The following SP140 variants were observed in gnomAD, a reference collection of about 807,000 sequenced individuals.
SP140 encodes nuclear body protein SP140.
Under a neutral mutation model 125.0 loss-of-function variants are expected in SP140, and 81 were observed. The observed-to-expected ratio is 0.65, with a 90% CI of 0.54 to 0.78. The LOEUF is 0.78. Ranked by LOEUF, SP140 falls within the 30% of genes least tolerant of loss-of-function variation. The pLI is 0.00. For synonymous variants in SP140, 312 were observed against 354.0 expected, an observed-to-expected ratio of 0.88 and a Z score of 1.33; for missense variants, 858 against 1,037.0, an observed-to-expected ratio of 0.83 and a Z score of 2.37.
At chr2:230,205,950 A>C (rs1249741886) in intron 1 of SP140, among the ~76,000 whole-genome samples, 1 of 152,128 alleles carries the variant, frequency 6.6e-6, no homozygotes, top group South Asian at 2.1e-4. Flanking sequence ...GCCCATAGAG[A>C]ATACACATAA....
chr2:230,230,947 CT>C (rs373902654), intron 1 of SP140, among the ~76,000 whole-genome samples: 329 of 151,206 alleles, frequency 2.2e-3, no homozygotes, highest in African/African-American at 7.7e-3. Flanking sequence ...TTGTTTTTTC[CT>C]TTTTTTTTCC....
At chr2:230,209,296 G>A (rs1333009849) in intron 1 of SP140, among the ~76,000 whole-genome samples, 1 of 152,082 alleles carries the variant, frequency 6.6e-6, no homozygotes, top group Non-Finnish European at 1.5e-5. Flanking sequence ...TGAAGGATTT[G>A]AGGGGCCAGA....
At chr2:230,262,177 G>C (rs1308592428) in intron 12 of SP140, among the ~76,000 whole-genome samples, 2 of 152,048 alleles carry the variant, frequency 1.3e-5, no homozygotes, top group Non-Finnish European at 2.9e-5. Context: ...ATTTACACTA[G>C]GAGGGTTGTA....
chr2:230,284,501 A>G (rs2056094896), intron 16 of SP140, 90 bp downstream of exon 16: 1 of 1,065,324 alleles, frequency 9.4e-7, no homozygotes, highest in Non-Finnish European at 1.3e-6. Flanking sequence ...CCCCAGAGCC[A>G]GAGTTCTATA....
intron 3 of SP140, chr2:230,239,194 A>G: frequency 2.2e-6 from 1 of 459,814 alleles, no homozygotes; most frequent in Non-Finnish European, 3.3e-6. Flanking sequence ...AGAAAGGTCT[A>G]GAGGAAGTCA....
intron 15 of SP140, 71 bp downstream of exon 15, chr2:230,270,710 G>T: frequency 7.3e-7 from 1 of 1,369,170 alleles, no homozygotes; most frequent in Non-Finnish European, 1.0e-6. Context: ...TTTTAATTTT[G>T]TCATTGTTAC....
rs186182266 is a variant in SP140 at position 230,303,011 on chromosome 2, A to G, written c.2058+5549A>G. ...TCACACCTGAAGGAACTAGAGAAAG[A>G]AGAACAAACCAAACCCAAACCCAGC... On this transcript the variant is annotated intron_variant, in intron 22 of 26. Coordinates refer to ENST00000392045, the MANE Select transcript of SP140 (RefSeq NM_007237.5). Among the ~76,000 whole-genome samples, 179 of 152,328 alleles carry G rather than the reference A, an allele frequency of 1.2e-3. 2 individuals carry two copies. Among genetic ancestry groups the G allele is most frequent in the African/African-American group, 4.0e-3 (167 of 41,574 alleles).
chr2:230,240,391 G>T (rs2048558590), intron 3 of SP140, among the ~76,000 whole-genome samples: 1 of 152,088 alleles, frequency 6.6e-6, no homozygotes, highest in African/African-American at 2.4e-5. Context: ...CATAGACTGG[G>T]AGACAATATT....
intron 1 of SP140, 112 bp from the exon 2 acceptor site, chr2:230,236,971 T>C: frequency 4.1e-6 from 3 of 726,248 alleles, no homozygotes; most frequent in Non-Finnish European, 6.5e-6. Flanking sequence ...AGAATGCTTA[T>C]TTTATACATG....
intron 15 of SP140, among the ~76,000 whole-genome samples, chr2:230,274,175 A>G (rs1301056180): frequency 6.6e-6 from 1 of 151,956 alleles, no homozygotes; most frequent in African/African-American, 2.4e-5. Context: ...TTCATGTCTA[A>G]TGGAGGAAAT....
the SP140 span, among the ~76,000 whole-genome samples, chr2:230,192,838 T>C: frequency 6.6e-6 from 1 of 152,206 alleles, no homozygotes; most frequent in African/African-American, 2.4e-5. Flanking sequence ...GAGAAGAATG[T>C]AATCTTCTGT....
At chr2:230,186,206 C>G in the SP140 span, 38 of 1,510,922 alleles carry the variant, frequency 2.5e-5, no homozygotes, top group African/African-American at 4.0e-4. Flanking sequence ...AGCCCCTACC[C>G]TTTCAGGAGT....
Position 230,250,984 on chromosome 2 carries a change from G to C in SP140, c.980G>C (p.Gly327Ala), listed in dbSNP as rs1559257957. The change falls in exon 10 of 27, where the codon GGC (glycine) becomes GCC (alanine). Residue 327 changes from glycine to alanine, a missense_variant. Transcript: ENST00000392045. ...GGGATTTCTTTTCTTTCTGCAGAGG[G>C]CAGTGATGACTGTTCAGAAATGTGT... Reference protein sequence around the residue: ...LCLLPGEGEEGSDDCSEMCDG... With the variant: ...LCLLPGEGEEASDDCSEMCDG... The C allele has an allele frequency of 6.2e-7, 1 of 1,613,710 alleles. No individual in the cohort carries two copies. Among genetic ancestry groups the C allele is most frequent in the East Asian group, 2.2e-5 (1 of 44,870 alleles).
chr2:230,229,383 CT>C (rs1242364734), intron 1 of SP140, among the ~76,000 whole-genome samples: 1 of 149,950 alleles, frequency 6.7e-6, no homozygotes, highest in African/African-American at 2.5e-5. Flanking sequence ...TATTTCTTCT[CT>C]GGTGCTCTTT....
intron 1 of SP140, among the ~76,000 whole-genome samples, chr2:230,204,907 G>A (rs1270134530): frequency 1.3e-5 from 2 of 152,006 alleles, no homozygotes; most frequent in Admixed American, 6.5e-5. Flanking sequence ...AGGATCAAAG[G>A]GGAGAGAAAT....
Position 230,287,968 on chromosome 2 carries a change from TA to T in SP140, c.1720+8del, listed in dbSNP as rs764863604. 1.9e-6 allele frequency: 3 copies of T among 1,608,962 alleles called. No homozygotes were observed. The highest frequency in any genetic ancestry group is 1.1e-5 in the South Asian group (1 of 89,900). ...CACAGAAAAGAGTCCGATCAAGAGG[TA>T]AAAAAGAAAACAGGAATGAACTTTC... On this transcript the variant is annotated splice_donor_region_variant and intron_variant, in intron 18 of 26. Coordinates refer to ENST00000392045, the MANE Select transcript of SP140 (RefSeq NM_007237.5).
intron 3 of SP140, chr2:230,217,051 T>C: frequency 1.4e-6 from 1 of 720,442 alleles, no homozygotes; most frequent in South Asian, 1.6e-5. Flanking sequence ...ATTGAGACCA[T>C]CCTGGCCAAC....
intron 1 of SP140, among the ~76,000 whole-genome samples, chr2:230,230,178 G>A (rs750879105): frequency 6.6e-6 from 1 of 152,164 alleles, no homozygotes; most frequent in Non-Finnish European, 1.5e-5. Flanking sequence ...CTTTTTAAAG[G>A]ATAGTTAGGC....
intron 12 of SP140, among the ~76,000 whole-genome samples, chr2:230,264,646 T>C (rs2052772906): frequency 1.3e-5 from 2 of 152,166 alleles, no homozygotes; most frequent in Non-Finnish European, 2.9e-5. Context: ...TTGTTCAGAT[T>C]CTTTTGTCCC....
Sources: allele counts gnomAD v4.1 joint callset (sites outside exome capture counted in the v4.1 genomes callset), GRCh38; gene constraint gnomAD v4.1.1; transcripts MANE v1.5; gene names NCBI Gene and HGNC (gene_info 2026-07-23, HGNC 2026-07-21).